DOK6: variants seen among roughly 807,000 people sequenced by gnomAD.
DOK6 encodes the protein docking protein 6.
DOK6 carries 22 observed loss-of-function variants against 44.0 expected under a neutral mutation model. The observed-to-expected ratio is 0.50, with a 90% CI of 0.36 to 0.71. The LOEUF is 0.71. Ranked by LOEUF, DOK6 falls within the 30% of genes least tolerant of loss-of-function variation. DOK6 has a pLI of 0.00. For missense variants in DOK6, 340 were observed against 416.4 expected, an observed-to-expected ratio of 0.82 and a Z score of 1.60; for synonymous variants, 166 against 145.5, an observed-to-expected ratio of 1.14 and a Z score of -1.01.
chr18:69,734,393 C>CAAAAAAA lies in DOK6; in HGVS notation c.600-4555_600-4549dup, dbSNP rs60831756. Among the ~76,000 whole-genome samples the CAAAAAAA allele has an allele frequency of 2.5e-3, 122 of 48,472 alleles. 2 individuals carry two copies. Among genetic ancestry groups the CAAAAAAA allele is most frequent in the African/African-American group, 3.6e-3 (53 of 14,792 alleles). 31.8% of individuals were successfully genotyped at this position (48,472 alleles called of 152,430 possible). On this transcript the variant is annotated intron_variant, in intron 5 of 7. Coordinates refer to ENST00000382713, the MANE Select transcript of DOK6 (RefSeq NM_152721.6). Reference sequence around the variant, plus strand: ...AGAGTAACCAATCTTTTCATAGCAGCAAAAAAAAAAAAAAAAAAAAAAAGG... The same window carrying CAAAAAAA: ...AGAGTAACCAATCTTTTCATAGCAGCAAAAAAAAAAAAAAAAAAAAAAAAAAAAAAGG...
intron 6 of DOK6, among the ~76,000 whole-genome samples, chr18:69,743,820 T>TAAAA (rs35936116): frequency 1.1e-5 from 1 of 94,244 alleles, no homozygotes; most frequent in African/African-American, 2.9e-5. Context: ...TTCAGTGTAT[T>TAAAA]AAAAAAAAAA....
intron 1 of DOK6, among the ~76,000 whole-genome samples, chr18:69,467,340 G>A (rs1040011893): frequency 6.6e-6 from 1 of 152,026 alleles, no homozygotes; most frequent in African/African-American, 2.4e-5. Context: ...AAAAACAAGT[G>A]CTTCCTGTAA....
intron 1 of DOK6, among the ~76,000 whole-genome samples, chr18:69,490,286 C>G (rs1275931902): frequency 6.6e-6 from 1 of 152,122 alleles, no homozygotes; most frequent in Admixed American, 6.5e-5. Flanking sequence ...TCAGGAGGAA[C>G]TCTAGTCCAC....
Position 69,757,653 on chromosome 18 carries a change from C to G in DOK6, c.739-103C>G, listed in dbSNP as rs1223291212. On this transcript the variant is annotated intron_variant, in intron 6 of 7. Transcript: ENST00000382713. ...CCGGGGATCATGCAGGTATCTATAG[C>G]AGATTCTATCTGTCACTCACATTTA... 6.7e-6 allele frequency: 6 copies of G among 896,604 alleles called. No homozygotes were observed. The East Asian group carries it at 1.5e-4, about 22-fold the overall frequency. The allele number at this position is 896,604 out of a possible 1,614,324, so 55.5% of individuals were successfully genotyped here. A position where few individuals can be genotyped will look rare whatever the true frequency, so the allele number is the denominator to read the frequency against.
At chr18:69,553,260 G>C (rs149494408) in intron 1 of DOK6, among the ~76,000 whole-genome samples, 2 of 152,178 alleles carry the variant, frequency 1.3e-5, no homozygotes, top group African/African-American at 4.8e-5. Flanking sequence ...AATGAAATCC[G>C]TAACAGTTGT....
At chr18:69,474,014 G>T (rs1185286708) in intron 1 of DOK6, among the ~76,000 whole-genome samples, 1 of 152,106 alleles carries the variant, frequency 6.6e-6, no homozygotes, top group African/African-American at 2.4e-5. Flanking sequence ...ATGACACATT[G>T]GTTTCCTTCT....
At chr18:69,490,032 G>C (rs1293718417) in intron 1 of DOK6, among the ~76,000 whole-genome samples, 1 of 151,972 alleles carries the variant, frequency 6.6e-6, no homozygotes, top group Non-Finnish European at 1.5e-5. Context: ...TACATATTCA[G>C]AAGACATGCC....
intron 5 of DOK6, among the ~76,000 whole-genome samples, chr18:69,718,151 T>C (rs1007796597): frequency 6.6e-6 from 1 of 152,078 alleles, no homozygotes; most frequent in Non-Finnish European, 1.5e-5. Context: ...TTAGAGACAA[T>C]TAAGGGGTGG....
At chr18:69,740,329 GA>G (rs1455918575) in intron 6 of DOK6, among the ~76,000 whole-genome samples, 1 of 152,080 alleles carries the variant, frequency 6.6e-6, no homozygotes, top group Non-Finnish European at 1.5e-5. Context: ...AAATCAAGTG[GA>G]AAAATATAAC....
At chr18:69,637,700 A>G (rs989837812) in intron 3 of DOK6, among the ~76,000 whole-genome samples, 6 of 151,470 alleles carry the variant, frequency 4.0e-5, no homozygotes, top group African/African-American at 1.5e-4. Context: ...TTTAAAAGAC[A>G]ACTTCTACCA....
chr18:69,702,980 CT>C, intron 5 of DOK6, among the ~76,000 whole-genome samples: 1 of 151,926 alleles, frequency 6.6e-6, no homozygotes, highest in East Asian at 1.9e-4. Flanking sequence ...TGAGCAATAA[CT>C]AAGATCAGAG....
At chr18:69,536,828 C>A in intron 1 of DOK6, among the ~76,000 whole-genome samples, 1 of 151,808 alleles carries the variant, frequency 6.6e-6, no homozygotes. Flanking sequence ...ATTAGAAAGT[C>A]TAAGTTGTTT....
intron 1 of DOK6, among the ~76,000 whole-genome samples, chr18:69,540,615 C>T (rs897523372): frequency 6.6e-6 from 1 of 152,098 alleles, no homozygotes; most frequent in Admixed American, 6.6e-5. Context: ...TATTTCTCGA[C>T]GTCTTCACAT....
At chr18:69,810,572 T>C (rs1981193079) in intron 7 of DOK6, among the ~76,000 whole-genome samples, 1 of 151,878 alleles carries the variant, frequency 6.6e-6, no homozygotes, top group African/African-American at 2.4e-5. Context: ...ATCCATCTGA[T>C]AAGGAGTTAA....
intron 7 of DOK6, among the ~76,000 whole-genome samples, chr18:69,802,315 A>G (rs1043806372): frequency 1.3e-5 from 2 of 152,170 alleles, no homozygotes; most frequent in East Asian, 1.9e-4. Context: ...AGAAAGCCAC[A>G]TGCATTCGGT....
intron 1 of DOK6, among the ~76,000 whole-genome samples, chr18:69,540,431 T>C (rs2086801726): frequency 6.6e-6 from 1 of 152,234 alleles, no homozygotes; most frequent in African/African-American, 2.4e-5. Flanking sequence ...AGTTAAATAA[T>C]GTGTCTAGTT....
At chr18:69,701,325 G>T (rs992840860) in intron 5 of DOK6, among the ~76,000 whole-genome samples, 1 of 152,220 alleles carries the variant, frequency 6.6e-6, no homozygotes, top group Non-Finnish European at 1.5e-5. Flanking sequence ...CGGAGCAATT[G>T]CTCTTTTACC....
intron 1 of DOK6, among the ~76,000 whole-genome samples, chr18:69,503,838 A>G (rs1386085288): frequency 6.6e-6 from 1 of 152,046 alleles, no homozygotes; most frequent in African/African-American, 2.4e-5. Context: ...AAGGACAGAA[A>G]AAGAAATGAA....
chr18:69,573,474 G>A (rs1459897808), intron 2 of DOK6, among the ~76,000 whole-genome samples: 2 of 151,856 alleles, frequency 1.3e-5, no homozygotes, highest in African/African-American at 4.8e-5. Flanking sequence ...TCCTTTCATA[G>A]CATTGGAAAG....
Sources: gnomAD v4.1 joint callset for allele counts (sites outside exome capture counted in the v4.1 genomes callset) on GRCh38, gnomAD v4.1.1 for gene constraint, MANE v1.5 for transcripts, NCBI Gene and HGNC (gene_info 2026-07-23, HGNC 2026-07-21) for gene names.